Variants in DENND2A observed in about 807,000 individuals in gnomAD.
DENND2A encodes the protein DENN domain-containing protein 2A.
DENND2A carries 53 observed loss-of-function variants against 105.3 expected under a neutral mutation model. The observed-to-expected ratio is 0.50, with a 90% CI of 0.40 to 0.63. The LOEUF is 0.63. DENND2A is among the 30% of genes least tolerant of loss of function. The probability of loss-of-function intolerance (pLI) is 0.00; values close to 1 mark genes in which losing one functional copy is unlikely to be tolerated. For synonymous variants in DENND2A, 522 were observed against 508.4 expected (o/e 1.03, Z -0.36); for missense variants, 1,138 against 1,279.6 (o/e 0.89, Z 1.69).
rs1242551812 is a variant in DENND2A, at chr7:140,545,195, T to C, written c.2179-429A>G. On this transcript the variant is annotated intron_variant, in intron 13 of 19. Transcript: ENST00000496613. Reference sequence around the variant, plus strand: ...CTCTGTCTCTTGAGGAACTGTTACCTGCTAGGTGGAAATCCCAGACTAGCA... The same window carrying C: ...CTCTGTCTCTTGAGGAACTGTTACCCGCTAGGTGGAAATCCCAGACTAGCA... Among the ~76,000 whole-genome samples the C allele has an allele frequency of 2.6e-5, 4 of 152,160 alleles. No individual in the cohort carries two copies. In the East Asian group the frequency reaches 7.7e-4, roughly 29 times the overall value.
rs560924811 is a variant in DENND2A at position 140,574,361 on chromosome 7, A to G, written c.1246-353T>C. Among the ~76,000 whole-genome samples the G allele has an allele frequency of 8.5e-5, 13 of 152,134 alleles. 1 individual carries two copies. Among genetic ancestry groups the G allele is most frequent in the Admixed American group, 3.3e-4 (5 of 15,260 alleles). On this transcript the variant is annotated intron_variant, in intron 5 of 19. Coordinates refer to ENST00000496613, the MANE Select transcript of DENND2A (RefSeq NM_015689.5). ...AGCCTCTCGAGTAGCTGGGACTGCA[A>G]GCACACACTGCCACGCCCAGCTAAT...
At chr7:140,613,027 T>C (rs751898746) in intron 1 of DENND2A, among the ~76,000 whole-genome samples, 64 of 151,210 alleles carry the variant, frequency 4.2e-4, no homozygotes, top group Non-Finnish European at 8.7e-4. Flanking sequence ...GGCAGGAGAA[T>C]GGCTTGAACC....
At chr7:140,534,241 C>T (rs955684817) in intron 14 of DENND2A, among the ~76,000 whole-genome samples, 5 of 151,912 alleles carry the variant, frequency 3.3e-5, no homozygotes, top group East Asian at 1.9e-4. Context: ...CGTGCCACCA[C>T]GCCCAGCTAA....
At chr7:140,573,333 G>A (rs1354766142) in intron 6 of DENND2A, among the ~76,000 whole-genome samples, 5 of 152,140 alleles carry the variant, frequency 3.3e-5, no homozygotes, top group East Asian at 1.9e-4. Context: ...AACCAACAAC[G>A]GATGCATATA....
intron 1 of DENND2A, among the ~76,000 whole-genome samples, chr7:140,612,264 A>G (rs911432727): frequency 6.6e-6 from 1 of 151,962 alleles, no homozygotes; most frequent in Non-Finnish European, 1.5e-5. Flanking sequence ...AAAAAAAAAA[A>G]AGATGGTGAA....
chr7:140,567,420 A>G (rs1797913575), intron 8 of DENND2A, 147 bp from the exon 9 acceptor site: 3 of 672,498 alleles, frequency 4.5e-6, no homozygotes, highest in Non-Finnish European at 4.7e-6. Context: ...TTATGTAATT[A>G]TCAGCTCAAG....
At chr7:140,561,639 G>C (rs1054169725) in intron 9 of DENND2A, among the ~76,000 whole-genome samples, 9 of 148,968 alleles carry the variant, frequency 6.0e-5, no homozygotes, top group African/African-American at 2.2e-4. Flanking sequence ...GAGTAGCTGG[G>C]ATTACAGGCA....
intron 1 of DENND2A, among the ~76,000 whole-genome samples, chr7:140,607,430 T>C (rs1429271201): frequency 6.6e-6 from 1 of 152,114 alleles, no homozygotes; most frequent in Non-Finnish European, 1.5e-5. Flanking sequence ...CAACTGTGTG[T>C]GTGTGGGTGG....
chr7:140,540,792 T>A (rs10265467), intron 14 of DENND2A, among the ~76,000 whole-genome samples: 63,908 of 151,692 alleles, frequency 0.42, 14,931 homozygotes, highest in African/African-American at 0.63. Flanking sequence ...ATCTCGGCTC[T>A]CCACAACCTC....
intron 3 of DENND2A, among the ~76,000 whole-genome samples, chr7:140,591,690 T>TTTCTTTCC (rs1554475937): frequency 1.7e-4 from 24 of 138,680 alleles, no homozygotes; most frequent in South Asian, 4.6e-4. Context: ...TCTTTCTTTC[T>TTTCTTTCC]TTCCTTCCTT....
chr7:140,595,983 C>A (rs776864338), intron 3 of DENND2A, among the ~76,000 whole-genome samples: 32 of 152,238 alleles, frequency 2.1e-4, no homozygotes, highest in African/African-American at 7.5e-4. Flanking sequence ...TCAGGGCAGG[C>A]GGCTAGGCAG....
chr7:140,623,515 G>A (rs1446150878), intron 1 of DENND2A, among the ~76,000 whole-genome samples: 1 of 150,866 alleles, frequency 6.6e-6, no homozygotes, highest in East Asian at 2.0e-4. Flanking sequence ...AGATTACGAG[G>A]TCAGGAGTTC....
intron 5 of DENND2A, among the ~76,000 whole-genome samples, chr7:140,579,004 G>A (rs1798421182): frequency 6.6e-6 from 1 of 152,090 alleles, no homozygotes; most frequent in Admixed American, 6.6e-5. Context: ...GGCTAGATGC[G>A]GTGGCTCATG....
At chr7:140,617,187 C>T (rs191529535) in intron 1 of DENND2A, among the ~76,000 whole-genome samples, 1 of 152,332 alleles carries the variant, frequency 6.6e-6, no homozygotes, top group African/African-American at 2.4e-5. Context: ...CCAGTAAATG[C>T]TTCTGTTTCA....
At chr7:140,608,277 C>A (rs567751325) in intron 1 of DENND2A, among the ~76,000 whole-genome samples, 1 of 152,162 alleles carries the variant, frequency 6.6e-6, no homozygotes, top group South Asian at 2.1e-4. Flanking sequence ...GCATAGAACC[C>A]CCCTGAACAC....
intron 11 of DENND2A, among the ~76,000 whole-genome samples, chr7:140,557,276 A>G (rs1432541059): frequency 1.3e-5 from 2 of 151,154 alleles, no homozygotes; most frequent in Non-Finnish European, 1.5e-5. Flanking sequence ...GTGGTGGTAC[A>G]TGCCTGTGGT....
Position 140,554,548 on chromosome 7 carries a change from A to G in DENND2A, c.2037+1088T>C, listed in dbSNP as rs143616546. 9.5e-3 allele frequency among the ~76,000 whole-genome samples: 1,444 copies of G among 152,190 alleles called. 21 individuals carry two copies. The highest frequency in any genetic ancestry group is 0.033 in the African/African-American group (1,379 of 41,508). On this transcript the variant is annotated intron_variant, in intron 12 of 19. Transcript: ENST00000496613. ...CTACTCAGGAGGCTGTGGCACAAGA[A>G]TCGCTTGAACCCGGGAGGTGTAAGT...
At position 140,535,882 on chromosome 7, in the gene DENND2A, G is replaced by A. The variant is rs531351581; in HGVS notation, c.2328-8387C>T. Among the ~76,000 whole-genome samples the A allele has an allele frequency of 1.1e-4, 17 of 152,050 alleles. 1 individual carries two copies. In the South Asian group the frequency reaches 2.3e-3, roughly 20 times the overall value. On this transcript the variant is annotated intron_variant, in intron 14 of 19. Transcript: ENST00000496613. ...CAGGCTTGAGCCACTGCACCTGGCC[G>A]TCCTTCCAACTTTAACATCTACAAA...
intron 18 of DENND2A, among the ~76,000 whole-genome samples, chr7:140,520,939 A>G (rs1050703612): frequency 6.8e-6 from 1 of 146,770 alleles, no homozygotes; most frequent in African/African-American, 2.5e-5. Context: ...CAATGGTGCA[A>G]TCTCGGCTCA....
Sources: gnomAD v4.1 joint callset for allele counts (sites outside exome capture counted in the v4.1 genomes callset) on GRCh38, gnomAD v4.1.1 for gene constraint, MANE v1.5 for transcripts, NCBI Gene and HGNC (gene_info 2026-07-23, HGNC 2026-07-21) for gene names.